The following ADGRB3 variants were observed in gnomAD, a reference collection of about 807,000 sequenced individuals.
ADGRB3 encodes the protein brain-specific angiogenesis inhibitor 3.
A neutral mutation model predicts 193.4 loss-of-function variants in ADGRB3; 37 were observed. The observed-to-expected ratio is 0.19, with a 90% CI of 0.15 to 0.25. The LOEUF is 0.25. ADGRB3 is among the 10% of genes least tolerant of loss of function. The pLI is 1.00. For synonymous variants in ADGRB3, 690 were observed against 644.2 expected, an observed-to-expected ratio of 1.07 and a Z score of -1.08; for missense variants, 1,637 against 1,852.9, an observed-to-expected ratio of 0.88 and a Z score of 2.14.
intron 26 of ADGRB3, among the ~76,000 whole-genome samples, chr6:69,346,949 G>A (rs1403247627): frequency 1.3e-5 from 2 of 152,126 alleles, no homozygotes; most frequent in South Asian, 2.1e-4. Context: ...CAAAGACTTG[G>A]AACTAACCCA....
intron 3 of ADGRB3, among the ~76,000 whole-genome samples, chr6:68,888,440 T>C (rs930463007): frequency 2.6e-5 from 4 of 152,026 alleles, no homozygotes; most frequent in Non-Finnish European, 5.9e-5. Flanking sequence ...CATATAGACT[T>C]GAATTGTCCT....
At chr6:69,020,445 C>T (rs1275380540) in intron 13 of ADGRB3, among the ~76,000 whole-genome samples, 1 of 151,954 alleles carries the variant, frequency 6.6e-6, no homozygotes, top group African/African-American at 2.4e-5. Context: ...TTCTTTGACT[C>T]ACCAAGCTTG....
At chr6:69,163,931 G>A (rs192863962) in intron 17 of ADGRB3, among the ~76,000 whole-genome samples, 46 of 152,200 alleles carry the variant, frequency 3.0e-4, no homozygotes, top group African/African-American at 9.6e-4. Context: ...TAAATTTTAT[G>A]TTAGTATTTC....
Position 69,018,468 on chromosome 6 carries a change from T to C in ADGRB3, c.2076T>C (p.Phe692=), listed in dbSNP as rs1202874781. The stretch of plus-strand genomic sequence containing the variant: ...TTGTTGGAATGGGGATGATGGACTT[T>C]CAGAATTCATACTTAATGACTGGAA... ...IHIVGMGMMD[F]QNSYLMTGNV... is the part of the protein sequence containing the mutation. Residue 692 remains phenylalanine (F), a synonymous_variant, in exon 13 of 32, where the codon TTT becomes TTC. Transcript: ENST00000370598. The C allele has an allele frequency of 1.2e-6, 2 of 1,607,422 alleles. No individual in the cohort carries two copies. Among genetic ancestry groups the C allele is most frequent in the Non-Finnish European group, 1.7e-6 (2 of 1,175,044 alleles).
At chr6:68,703,431 T>A (rs1374865586) in intron 3 of ADGRB3, among the ~76,000 whole-genome samples, 1 of 152,162 alleles carries the variant, frequency 6.6e-6, no homozygotes, top group African/African-American at 2.4e-5. Flanking sequence ...AGATTCAGAC[T>A]TGAATTTAAC....
At chr6:68,989,847 C>A (rs1769182125) in intron 10 of ADGRB3, among the ~76,000 whole-genome samples, 1 of 151,998 alleles carries the variant, frequency 6.6e-6, no homozygotes, top group Non-Finnish European at 1.5e-5. Flanking sequence ...TTTTGTACCT[C>A]TGATATTGAT....
chr6:68,822,954 G>A (rs180751168), intron 3 of ADGRB3, among the ~76,000 whole-genome samples: 1 of 152,040 alleles, frequency 6.6e-6, no homozygotes, highest in African/African-American at 2.4e-5. Flanking sequence ...TCACTTCTAG[G>A]AATGTAGATG....
chr6:68,637,747 A>T (rs1462118430), intron 2 of ADGRB3, among the ~76,000 whole-genome samples, 185 bp downstream of exon 2: 2 of 152,152 alleles, frequency 1.3e-5, no homozygotes, highest in Non-Finnish European at 2.9e-5. Context: ...ACAGTTGATA[A>T]GATAATTTTT....
At chr6:69,189,816 G>A (rs1180333001) in intron 17 of ADGRB3, among the ~76,000 whole-genome samples, 2 of 152,150 alleles carry the variant, frequency 1.3e-5, no homozygotes, top group African/African-American at 4.8e-5. Context: ...GTCCTTTGCA[G>A]AATGTAACCG....
Position 68,959,687 on chromosome 6 carries a change from A to G in ADGRB3, c.1525+2878A>G, listed in dbSNP as rs73465380. Among the ~76,000 whole-genome samples, 1,208 of 152,282 alleles carry G rather than the reference A, an allele frequency of 7.9e-3. 10 individuals are homozygous for G. Among genetic ancestry groups the G allele is most frequent in the African/African-American group, 0.025 (1,046 of 41,574 alleles). On this transcript the variant is annotated intron_variant, in intron 8 of 31. Coordinates refer to ENST00000370598, the MANE Select transcript of ADGRB3 (RefSeq NM_001704.3). ...TTCTTTGCTGGTAGATAGATTAAAT[A>G]AAAGTATTAAAAGTGTCATCATTGA...
intron 3 of ADGRB3, among the ~76,000 whole-genome samples, chr6:68,697,438 T>C (rs1765175545): frequency 6.6e-6 from 1 of 151,962 alleles, no homozygotes; most frequent in Non-Finnish European, 1.5e-5. Context: ...TTAAAAAAAA[T>C]ACATGGAATG....
At chr6:68,782,515 A>G (rs184970059) in intron 3 of ADGRB3, among the ~76,000 whole-genome samples, 2 of 152,216 alleles carry the variant, frequency 1.3e-5, no homozygotes, top group East Asian at 3.9e-4. Flanking sequence ...GTCAAATGAT[A>G]TTTCTAGTTC....
intron 13 of ADGRB3, among the ~76,000 whole-genome samples, chr6:69,040,707 A>AAAAAAAT (rs1771038176): frequency 3.3e-5 from 2 of 60,460 alleles, no homozygotes; most frequent in African/African-American, 1.4e-4. Context: ...AAAAAAAAAA[A>AAAAAAAT]AACAAACAAG....
chr6:68,779,409 G>T (rs1766813126), intron 3 of ADGRB3, among the ~76,000 whole-genome samples: 2 of 151,206 alleles, frequency 1.3e-5, no homozygotes, highest in South Asian at 4.2e-4. Context: ...GTTTCCATAT[G>T]ATGCTGCCTG....
chr6:68,699,044 A>G (rs916464990), intron 3 of ADGRB3, among the ~76,000 whole-genome samples: 8 of 152,150 alleles, frequency 5.3e-5, no homozygotes, highest in African/African-American at 1.9e-4. Flanking sequence ...ATATTAAAAT[A>G]TTATTTTAAA....
chr6:68,857,524 G>T (rs1047706051), intron 3 of ADGRB3, among the ~76,000 whole-genome samples: 4 of 152,198 alleles, frequency 2.6e-5, no homozygotes, highest in Non-Finnish European at 5.9e-5. Context: ...CATGGGCCCT[G>T]TAATCCCTTT....
chr6:69,237,384 A>AG (rs1336613551), intron 19 of ADGRB3, among the ~76,000 whole-genome samples: 1 of 152,078 alleles, frequency 6.6e-6, no homozygotes, highest in Non-Finnish European at 1.5e-5. Context: ...TTCACCAAAA[A>AG]TTTAATACAT....
intron 3 of ADGRB3, among the ~76,000 whole-genome samples, chr6:68,762,267 TCA>T (rs1289490013): frequency 2.6e-5 from 4 of 152,068 alleles, no homozygotes; most frequent in East Asian, 1.9e-4. Context: ...ATTCTCTCTC[TCA>T]GTTTTCTGAT....
At chr6:69,211,918 T>A (rs1765676006) in intron 17 of ADGRB3, among the ~76,000 whole-genome samples, 1 of 152,208 alleles carries the variant, frequency 6.6e-6, no homozygotes, top group Admixed American at 6.5e-5. Flanking sequence ...AGTCTAGCAT[T>A]TTTGATTATA....
Sources: gnomAD v4.1 joint callset for allele counts (sites outside exome capture counted in the v4.1 genomes callset) on GRCh38, gnomAD v4.1.1 for gene constraint, MANE v1.5 for transcripts, NCBI Gene and HGNC (gene_info 2026-07-23, HGNC 2026-07-21) for gene names.